Variants in KIF20B observed in about 807,000 individuals in gnomAD.
KIF20B encodes kinesin-like protein KIF20B.
In KIF20B, 188 loss-of-function variants were observed where a neutral mutation model predicts 232.5. The observed-to-expected ratio is 0.81, with a 90% CI of 0.72 to 0.91. The LOEUF (loss-of-function observed/expected upper bound fraction) is 0.91, where lower values mean the gene tolerates loss of function less well. Ranked by LOEUF, KIF20B falls within the 40% of genes least tolerant of loss-of-function variation. The pLI is 0.00. For synonymous variants in KIF20B, 712 were observed against 683.0 expected (o/e 1.04, Z -0.66); for missense variants, 2,154 against 2,055.9 (o/e 1.05, Z -0.92).
At chr10:89,764,869 T>A (rs1011877557) in intron 29 of KIF20B, among the ~76,000 whole-genome samples, 2 of 152,164 alleles carry the variant, frequency 1.3e-5, no homozygotes, top group African/African-American at 4.8e-5. Flanking sequence ...TGATGGTAGT[T>A]TCTTTTGCTG....
Position 89,720,778 on chromosome 10 carries a change from T to A in KIF20B, c.1722+1072T>A, listed in dbSNP as rs563703350. Among the ~76,000 whole-genome samples, 4 of 152,334 alleles carry A rather than the reference T, an allele frequency of 2.6e-5. No individual in the cohort carries two copies. The East Asian group carries it at 7.7e-4, about 29-fold the overall frequency. On this transcript the variant is annotated intron_variant, in intron 13 of 32. Coordinates refer to ENST00000371728, the MANE Select transcript of KIF20B (RefSeq NM_001284259.2). ...TAGAGTGCAATGGCACGATCTCGGC[T>A]TACTGCAACCTCTGCCTCCTGGGTT...
At chr10:89,736,628 A>AT (rs201078428) in intron 19 of KIF20B, among the ~76,000 whole-genome samples, 1,941 of 152,256 alleles carry the variant, frequency 0.013, 18 homozygotes, top group Middle Eastern at 0.024. Context: ...TATTCTAGCA[A>AT]TATACATATT....
At chr10:89,712,778 T>C (rs1842860416) in intron 6 of KIF20B, among the ~76,000 whole-genome samples, 1 of 152,246 alleles carries the variant, frequency 6.6e-6, no homozygotes, top group African/African-American at 2.4e-5. Context: ...TCTTGTGCCT[T>C]CTGGATTTTG....
intron 2 of KIF20B, among the ~76,000 whole-genome samples, chr10:89,708,524 A>G (rs1225044514): frequency 6.6e-6 from 1 of 151,870 alleles, no homozygotes; most frequent in African/African-American, 2.4e-5. Context: ...TCATTTTCTT[A>G]AATGTTTGAT....
chr10:89,751,573 T>C, intron 24 of KIF20B, 102 bp downstream of exon 24: 1 of 1,077,690 alleles, frequency 9.3e-7, no homozygotes, highest in Non-Finnish European at 1.3e-6. Context: ...TTTCAGTGAT[T>C]GATAATGGAA....
intron 18 of KIF20B, among the ~76,000 whole-genome samples, chr10:89,731,648 G>T (rs1843321777): frequency 1.3e-5 from 2 of 152,128 alleles, no homozygotes; most frequent in Non-Finnish European, 2.9e-5. Context: ...TTTTGGTGAG[G>T]ATTGTATATT....
intron 28 of KIF20B, 41 bp from the exon 29 acceptor site, chr10:89,762,597 T>C: frequency 2.8e-6 from 4 of 1,450,808 alleles, no homozygotes; most frequent in South Asian, 2.4e-5. Flanking sequence ...TATAAATGTA[T>C]ACTCTACAAA....
chr10:89,702,001 C>T (rs1020530332), intron 1 of KIF20B, among the ~76,000 whole-genome samples: 2 of 152,320 alleles, frequency 1.3e-5, no homozygotes, highest in Non-Finnish European at 2.9e-5. Context: ...GTGTCTATTT[C>T]TTTCGGCTTT....
chr10:89,772,682 T>G lies in KIF20B; in HGVS notation c.5243-7T>G. On this transcript the variant is annotated splice_region_variant and splice_polypyrimidine_tract_variant and intron_variant, in intron 31 of 32. Transcript: ENST00000371728. Reference sequence around the variant, plus strand: ...TTCAGGAACTAATTAACAATTTTATTTTATAGCAAAGAAGATAATTGAAAC... The same window carrying G: ...TTCAGGAACTAATTAACAATTTTATGTTATAGCAAAGAAGATAATTGAAAC... 3 of 1,533,300 alleles carry G rather than the reference T, an allele frequency of 2.0e-6. No individual in the cohort carries two copies. Among genetic ancestry groups the G allele is most frequent in the South Asian group, 2.4e-5 (2 of 82,280 alleles). 95.0% of individuals were successfully genotyped at this position (1,533,300 alleles called of 1,614,324 possible).
chr10:89,744,658 A>G (rs1841873886), intron 22 of KIF20B, among the ~76,000 whole-genome samples: 1 of 152,182 alleles, frequency 6.6e-6, no homozygotes, highest in African/African-American at 2.4e-5. Context: ...CCTTTATTGT[A>G]TATGGTTATT....
intron 23 of KIF20B, among the ~76,000 whole-genome samples, chr10:89,746,973 CCAGT>C (rs1841924923): frequency 6.6e-6 from 1 of 152,138 alleles, no homozygotes; most frequent in Non-Finnish European, 1.5e-5. Context: ...AAAAATAAAG[CCAGT>C]CAAACTTTTA....
rs758425932 is a variant in KIF20B at position 89,737,954 on chromosome 10, A to G, written c.3113A>G (p.Gln1038Arg). Reference protein sequence around the residue: ...LLGNDYLVSKQVKEYRIQEPN... With the variant: ...LLGNDYLVSKRVKEYRIQEPN... ...GGTAATGATTATTTGGTAAGTAAGC[A>G]AGTTAAAGAATATCGAATTCAAGAA... The change falls in exon 20 of 33, where the codon CAA becomes CGA. Residue 1038 changes from glutamine (Q) to arginine (R), a missense_variant. Coordinates refer to ENST00000371728, the MANE Select transcript of KIF20B (RefSeq NM_001284259.2). 1.9e-6 allele frequency: 3 copies of G among 1,613,236 alleles called. No individual in the cohort carries two copies. Among genetic ancestry groups the G allele is most frequent in the Non-Finnish European group, 2.5e-6 (3 of 1,179,550 alleles).
chr10:89,715,870 A>G (rs1195917431), intron 8 of KIF20B, among the ~76,000 whole-genome samples: 1 of 148,504 alleles, frequency 6.7e-6, no homozygotes, highest in Non-Finnish European at 1.5e-5. Context: ...ATGCATCTGT[A>G]GTCCCAGCTA....
In KIF20B at chr10:89,737,835, T is replaced by C. The variant is rs778231353; in HGVS notation, c.2994T>C (p.Val998=). 9 of 1,613,396 alleles carry C rather than the reference T, an allele frequency of 5.6e-6. No individual in the cohort carries two copies. In the South Asian group the frequency reaches 7.7e-5, roughly 14 times the overall value. ...ACGAACTACGTACTCTTGATTCAGT[T>C]TCTCAGATTTCAAACATAGATTTGC... is the stretch of plus-strand genomic sequence containing the variant. The part of the protein sequence containing the change: ...KIDELRTLDS[V]SQISNIDLLN... Residue 998 remains valine (V), a synonymous_variant, in exon 20 of 33, where the codon GTT becomes GTC. Coordinates refer to ENST00000371728, the MANE Select transcript of KIF20B (RefSeq NM_001284259.2).
intron 31 of KIF20B, among the ~76,000 whole-genome samples, chr10:89,769,256 C>T (rs537293048): frequency 1.3e-5 from 2 of 152,052 alleles, no homozygotes; most frequent in African/African-American, 4.8e-5. Flanking sequence ...GGCAGGAGTA[C>T]ACTCTCTAGG....
At chr10:89,723,918 G>A (rs1057184770) in intron 13 of KIF20B, 46 bp from the exon 14 acceptor site, 24 of 1,314,094 alleles carry the variant, frequency 1.8e-5, no homozygotes, top group Non-Finnish European at 2.1e-5. Context: ...TTTCTCTTGG[G>A]ATATATTTAT....
chr10:89,745,323 G>A (rs907713623), intron 22 of KIF20B, among the ~76,000 whole-genome samples: 47 of 152,288 alleles, frequency 3.1e-4, no homozygotes, highest in African/African-American at 1.0e-3. Flanking sequence ...AGGAGATCGA[G>A]ACTAGCCTGA....
Position 89,738,521 on chromosome 10 carries a change from A to T in KIF20B, c.3680A>T (p.Glu1227Val), listed in dbSNP as rs140341168. Residue 1227 changes from glutamate (E) to valine (V), a missense_variant, in exon 20 of 33, where the codon GAA (glutamate) becomes GTA (valine). Physicochemically the swap from Glu to Val is moderately radical, Grantham distance 121. Transcript: ENST00000371728. ...AATGTAAAGGAACTCAAGCTGAAAG[A>T]AGAAATCACACAGTTAACAAATAAT... The part of the protein sequence containing the change: ...DLNVKELKLK[E>V]EITQLTNNLQ... 6.5e-5 allele frequency: 104 copies of T among 1,602,850 alleles called. No homozygotes were observed. Among genetic ancestry groups the T allele is most frequent in the Non-Finnish European group, 8.1e-5 (95 of 1,175,320 alleles).
chr10:89,748,775 C>G (rs1841967932), intron 23 of KIF20B, among the ~76,000 whole-genome samples: 2 of 152,116 alleles, frequency 1.3e-5, no homozygotes, highest in East Asian at 1.9e-4. Flanking sequence ...CCAGGTTGCC[C>G]TATAGTTTTT....
Sources: allele counts gnomAD v4.1 joint callset (sites outside exome capture counted in the v4.1 genomes callset), GRCh38; gene constraint gnomAD v4.1.1; transcripts MANE v1.5; gene names NCBI Gene and HGNC (gene_info 2026-07-23, HGNC 2026-07-21).